ASTN1: variants seen among roughly 807,000 people sequenced by gnomAD.
The protein encoded by ASTN1 is astrotactin 1.
In ASTN1, 41 loss-of-function variants were observed where a neutral mutation model predicts 140.7. The observed-to-expected ratio is 0.29, with a 90% CI of 0.23 to 0.38. The LOEUF (loss-of-function observed/expected upper bound fraction) is 0.38. ASTN1 is among the 10% of genes least tolerant of loss of function. The probability of loss-of-function intolerance (pLI) is 1.00; values close to 1 mark genes in which losing one functional copy is unlikely to be tolerated. For missense variants in ASTN1, 1,479 were observed against 1,678.8 expected (o/e 0.88, Z 2.08); for synonymous variants, 640 against 652.2 (o/e 0.98, Z 0.29).
At chr1:176,892,417 T>C (rs1365350586) in intron 17 of ASTN1, among the ~76,000 whole-genome samples, 8 of 152,134 alleles carry the variant, frequency 5.3e-5, no homozygotes, top group Non-Finnish European at 8.8e-5. Context: ...CTCTTGGTGA[T>C]AAAATGGATG....
At chr1:176,941,616 C>T (rs1292357817) in intron 14 of ASTN1, among the ~76,000 whole-genome samples, 1 of 152,172 alleles carries the variant, frequency 6.6e-6, no homozygotes, top group African/African-American at 2.4e-5. Context: ...GGGGAGTCAA[C>T]CACATGTTTT....
At chr1:176,915,276 C>T (rs986576617) in intron 16 of ASTN1, among the ~76,000 whole-genome samples, 1 of 152,168 alleles carries the variant, frequency 6.6e-6, no homozygotes, top group Non-Finnish European at 1.5e-5. Context: ...CGCCTTATGA[C>T]TCTTAGTCCT....
At chr1:177,149,249 A>G (rs1363239317) in intron 1 of ASTN1, among the ~76,000 whole-genome samples, 6 of 101,974 alleles carry the variant, frequency 5.9e-5, no homozygotes, top group Non-Finnish European at 1.0e-4. Context: ...TATATACTAT[A>G]TATAGTAAAT....
At chr1:177,090,267 T>C (rs1679683242) in intron 1 of ASTN1, among the ~76,000 whole-genome samples, 1 of 151,846 alleles carries the variant, frequency 6.6e-6, no homozygotes, top group Admixed American at 6.6e-5. Flanking sequence ...ATTCACTGTA[T>C]TTCTTACTGT....
chr1:176,891,685 C>T (rs1309600548), intron 17 of ASTN1, among the ~76,000 whole-genome samples: 1 of 151,992 alleles, frequency 6.6e-6, no homozygotes, highest in Non-Finnish European at 1.5e-5. Flanking sequence ...CCCAGCTACT[C>T]GGGAGGCTGA....
At chr1:176,890,181 A>G (rs2103033991) in intron 17 of ASTN1, among the ~76,000 whole-genome samples, 1 of 152,334 alleles carries the variant, frequency 6.6e-6, no homozygotes, top group African/African-American at 2.4e-5. Flanking sequence ...AAGTTACAAT[A>G]ACCAAATCAC....
At chr1:176,915,724 A>G (rs1670450590) in intron 16 of ASTN1, among the ~76,000 whole-genome samples, 1 of 152,182 alleles carries the variant, frequency 6.6e-6, no homozygotes, top group Admixed American at 6.5e-5. Context: ...AGCAATCTCC[A>G]GCTTCTTAAT....
At position 176,922,556 on chromosome 1, in the gene ASTN1, C is replaced by CAAAAAAAA. The variant is rs71129589; in HGVS notation, c.2671+11588_2671+11595dup. On this transcript the variant is annotated intron_variant, in intron 16 of 22. Transcript: ENST00000361833. ...ACAGTGTCCACTCCAGCCCCCACTG[C>CAAAAAAAA]AAAAAAAAAAAAAAAAAAAAAAAAA... 7.6e-4 allele frequency among the ~76,000 whole-genome samples: 59 copies of CAAAAAAAA among 77,572 alleles called. 1 individual carries two copies. Among genetic ancestry groups the CAAAAAAAA allele is most frequent in the African/African-American group, 2.6e-3 (52 of 19,810 alleles). 50.9% of individuals were successfully genotyped at this position (77,572 alleles called of 152,430 possible). A position where few individuals can be genotyped will look rare whatever the true frequency, so the allele number is the denominator to read the frequency against.
chr1:177,128,273 T>C (rs1681766432), intron 1 of ASTN1, among the ~76,000 whole-genome samples: 2 of 152,202 alleles, frequency 1.3e-5, no homozygotes, highest in Non-Finnish European at 2.9e-5. Flanking sequence ...TAGGCTATCC[T>C]CACCCCAAAT....
chr1:176,860,202 C>A (rs2103003843), downstream of ASTN1, among the ~76,000 whole-genome samples: 1 of 152,310 alleles, frequency 6.6e-6, no homozygotes, highest in African/African-American at 2.4e-5. Context: ...CCATTACCAT[C>A]TGTTGGCCAA....
chr1:177,161,789 G>A (rs1210541753), intron 1 of ASTN1, among the ~76,000 whole-genome samples: 1 of 152,062 alleles, frequency 6.6e-6, no homozygotes, highest in Non-Finnish European at 1.5e-5. Context: ...GACAGGATCT[G>A]ATTTTAGCCT....
intron 1 of ASTN1, among the ~76,000 whole-genome samples, chr1:177,141,812 C>T (rs1023996281): frequency 2.0e-5 from 3 of 152,250 alleles, no homozygotes; most frequent in African/African-American, 7.2e-5. Flanking sequence ...GTCTACTCAA[C>T]TCCAACAATA....
chr1:176,953,618 A>G (rs1557986812), intron 11 of ASTN1, among the ~76,000 whole-genome samples: 1 of 152,310 alleles, frequency 6.6e-6, no homozygotes, highest in East Asian at 1.9e-4. Flanking sequence ...TCCTACAGAG[A>G]GAGAGATGGT....
At chr1:177,119,879 C>G (rs1367302111) in intron 1 of ASTN1, among the ~76,000 whole-genome samples, 1 of 152,170 alleles carries the variant, frequency 6.6e-6, no homozygotes, top group Non-Finnish European at 1.5e-5. Flanking sequence ...GGCTATCAAC[C>G]AGCAGAGGCT....
chr1:176,863,062 T>C lies in ASTN1; in HGVS notation c.*1222A>G, dbSNP rs150601187. 5.1e-6 allele frequency: 5 copies of C among 985,742 alleles called. No individual in the cohort carries two copies. Among genetic ancestry groups the C allele is most frequent in the Middle Eastern group, 5.2e-4 (1 of 1,916 alleles). The allele number at this position is 985,742 out of a possible 1,614,324, so 61.1% of individuals were successfully genotyped here. A position where few individuals can be genotyped will look rare whatever the true frequency, so the allele number is the denominator to read the frequency against. On this transcript the variant is annotated 3_prime_UTR_variant, in exon 23 of 23. Coordinates refer to ENST00000361833, the MANE Select transcript of ASTN1 (RefSeq NM_004319.3). The stretch of plus-strand genomic sequence containing the variant: ...TTCCTGTTGGCTGGGCCACCATTCA[T>C]GACCATGCCAATGCTTGGGCAGTGG...
chr1:177,132,459 T>C (rs1681986461), intron 1 of ASTN1, among the ~76,000 whole-genome samples: 1 of 152,194 alleles, frequency 6.6e-6, no homozygotes, highest in Non-Finnish European at 1.5e-5. Context: ...GCTGAATTTT[T>C]GCATGCCCTT....
rs115558624 is a variant in ASTN1, at chr1:177,085,130, G to A, written c.284-23865C>T. 6.9e-3 allele frequency among the ~76,000 whole-genome samples: 1,055 copies of A among 152,304 alleles called. 5 individuals carry two copies. Among genetic ancestry groups the A allele is most frequent in the South Asian group, 0.019 (91 of 4,828 alleles). On this transcript the variant is annotated intron_variant, in intron 1 of 22. Transcript: ENST00000361833. ...GGTACTAGTCCATACCAGACACTATGTTAGGTGTTATAAATACTTGTCTCA... is the reference window on the plus strand; with the variant it reads ...GGTACTAGTCCATACCAGACACTATATTAGGTGTTATAAATACTTGTCTCA...
chr1:177,148,503 T>A (rs1682820589), intron 1 of ASTN1, among the ~76,000 whole-genome samples: 1 of 151,986 alleles, frequency 6.6e-6, no homozygotes, highest in African/African-American at 2.4e-5. Context: ...TCATAGAGTC[T>A]TTTTATGCCT....
At chr1:176,949,087 G>T in intron 12 of ASTN1, 98 bp downstream of exon 12, 1 of 1,503,224 alleles carries the variant, frequency 6.7e-7, no homozygotes. Flanking sequence ...GGATGGCCTA[G>T]GGTGACCTAT....
Sources: allele counts gnomAD v4.1 joint callset (sites outside exome capture counted in the v4.1 genomes callset), GRCh38; gene constraint gnomAD v4.1.1; transcripts MANE v1.5; gene names NCBI Gene and HGNC (gene_info 2026-07-23, HGNC 2026-07-21).